IKZF3: variants seen among roughly 807,000 people sequenced by gnomAD.
IKZF3 encodes the protein zinc finger protein Aiolos.
In IKZF3, 10 loss-of-function variants were observed where a neutral mutation model predicts 49.0. The observed-to-expected ratio is 0.20, with a 90% CI of 0.13 to 0.35. The LOEUF is 0.35. Among genes scored for constraint, IKZF3 ranks in the 10% least tolerant of loss-of-function variants. IKZF3 has a pLI of 1.00. For missense variants in IKZF3, 498 were observed against 664.8 expected (o/e 0.75, Z 2.76); for synonymous variants, 209 against 228.2 (o/e 0.92, Z 0.76).
rs999537966 is a variant in IKZF3 at position 39,761,929 on chromosome 17, T to G, written c.*3861A>C. 1.3e-5 allele frequency: 2 copies of G among 152,394 alleles called. No individual in the cohort carries two copies. The highest frequency in any genetic ancestry group is 2.9e-5 in the Non-Finnish European group (2 of 68,200). 9.4% of individuals were successfully genotyped at this position (152,394 alleles called of 1,614,324 possible). On this transcript the variant is annotated 3_prime_UTR_variant, in exon 8 of 8. Coordinates refer to ENST00000346872, the MANE Select transcript of IKZF3 (RefSeq NM_012481.5). Reference sequence around the variant, plus strand: ...CATGTTGGTCAGGCAGGTCTCGAACTCCCAACCTCAGGTGATCTGCCTGCC... The same window carrying G: ...CATGTTGGTCAGGCAGGTCTCGAACGCCCAACCTCAGGTGATCTGCCTGCC...
At chr17:39,857,231 G>GT (rs1435725698) in intron 1 of IKZF3, among the ~76,000 whole-genome samples, 1 of 152,150 alleles carries the variant, frequency 6.6e-6, no homozygotes, top group African/African-American at 2.4e-5. Context: ...CAGTTATGAT[G>GT]TAATTCCATA....
Position 39,761,788 on chromosome 17 carries a change from T to C in IKZF3, c.*4002A>G. On this transcript the variant is annotated 3_prime_UTR_variant, in exon 8 of 8. Transcript: ENST00000346872. The stretch of plus-strand genomic sequence containing the variant: ...GGTGCCATCTCGGCTCACCGCAACC[T>C]CCGCCTCCCGGGTTCAAGCGATTCT... The C allele has an allele frequency of 6.6e-6, 1 of 152,402 alleles. No individual in the cohort carries two copies. The allele number at this position is 152,402 out of a possible 1,614,324, so 9.4% of individuals were successfully genotyped here.
At chr17:39,803,197 T>G (rs1186502695) in intron 3 of IKZF3, among the ~76,000 whole-genome samples, 1 of 152,186 alleles carries the variant, frequency 6.6e-6, no homozygotes, top group African/African-American at 2.4e-5. Context: ...CTGAAGGCCA[T>G]GATGTATGAA....
intron 1 of IKZF3, among the ~76,000 whole-genome samples, chr17:39,857,729 T>C (rs4795396): frequency 0.99 from 150,834 of 152,308 alleles, 74,694 homozygotes; most frequent in East Asian, 1. Context: ...AGTCAAATGA[T>C]CAAACACACA....
intron 3 of IKZF3, among the ~76,000 whole-genome samples, chr17:39,809,947 A>G (rs1028362382): frequency 4.6e-5 from 7 of 152,248 alleles, no homozygotes; most frequent in Non-Finnish European, 1.0e-4. Context: ...TTATGAAAAC[A>G]GCAAAGTCAA....
chr17:39,827,983 G>A (rs983921555), intron 3 of IKZF3, among the ~76,000 whole-genome samples: 1 of 152,182 alleles, frequency 6.6e-6, no homozygotes, highest in Non-Finnish European at 1.5e-5. Flanking sequence ...GGGGGAGGAT[G>A]CTGATATGAC....
At chr17:39,809,161 A>G (rs1232485390) in intron 3 of IKZF3, among the ~76,000 whole-genome samples, 1 of 152,224 alleles carries the variant, frequency 6.6e-6, no homozygotes, top group Non-Finnish European at 1.5e-5. Flanking sequence ...TGACATAATT[A>G]GCAAATCTAT....
chr17:39,773,283 G>T (rs932078402), intron 7 of IKZF3, among the ~76,000 whole-genome samples: 1 of 152,194 alleles, frequency 6.6e-6, no homozygotes, highest in Non-Finnish European at 1.5e-5. Context: ...CCACCTCTCT[G>T]ATCCTCCTTC....
intron 1 of IKZF3, chr17:39,835,214 G>A: frequency 1.9e-6 from 1 of 521,198 alleles, no homozygotes. Context: ...ACTTCAGCTG[G>A]CTCTCCTTGC....
intron 7 of IKZF3, among the ~76,000 whole-genome samples, chr17:39,774,526 G>A (rs1033624888): frequency 3.3e-5 from 5 of 152,092 alleles, no homozygotes; most frequent in African/African-American, 1.2e-4. Flanking sequence ...CACAAATAAT[G>A]TTCCTTTCTC....
At chr17:39,830,274 G>A (rs1239934186) in intron 2 of IKZF3, among the ~76,000 whole-genome samples, 1 of 152,152 alleles carries the variant, frequency 6.6e-6, no homozygotes, top group Admixed American at 6.6e-5. Context: ...ATGTGATTCT[G>A]TGGAAAACAT....
intron 6 of IKZF3, among the ~76,000 whole-genome samples, chr17:39,782,501 G>A (rs935082392): frequency 1.3e-5 from 2 of 152,082 alleles, no homozygotes; most frequent in Non-Finnish European, 2.9e-5. Flanking sequence ...GGTTTAGGCA[G>A]TGCACTGAAA....
chr17:39,776,291 T>C (rs746353539), intron 7 of IKZF3, among the ~76,000 whole-genome samples: 12 of 152,050 alleles, frequency 7.9e-5, no homozygotes, highest in Non-Finnish European at 1.6e-4. Context: ...TAAAATACAC[T>C]CAGAATAATA....
chr17:39,835,814 C>T (rs1323944990), intron 1 of IKZF3: 1 of 532,512 alleles, frequency 1.9e-6, no homozygotes, highest in East Asian at 4.5e-5. Flanking sequence ...CATCCACATC[C>T]TTCTTGATGA....
Position 39,765,687 on chromosome 17 carries a change from G to A in IKZF3, c.*103C>T. 1 of 844,114 alleles carries A rather than the reference G, an allele frequency of 1.2e-6. No individual in the cohort carries two copies. The highest frequency in any genetic ancestry group is 2.5e-5 in the East Asian group (1 of 40,258). The allele number at this position is 844,114 out of a possible 1,614,324, so 52.3% of individuals were successfully genotyped here. A position where few individuals can be genotyped will look rare whatever the true frequency, so the allele number is the denominator to read the frequency against. Reference sequence around the variant, plus strand: ...AACACAGCTAAAAATGGTATGAAAAGAAGTTTGGAACTGAGTATGTTTTGA... The same window carrying A: ...AACACAGCTAAAAATGGTATGAAAAAAAGTTTGGAACTGAGTATGTTTTGA... On this transcript the variant is annotated 3_prime_UTR_variant, in exon 8 of 8. Transcript: ENST00000346872.
chr17:39,836,502 G>C (rs2062287596), intron 1 of IKZF3, among the ~76,000 whole-genome samples: 2 of 152,208 alleles, frequency 1.3e-5, no homozygotes, highest in African/African-American at 4.8e-5. Context: ...GTATTCTGCA[G>C]TTCTCAAGTG....
At chr17:39,826,419 A>G (rs945362799) in intron 3 of IKZF3, among the ~76,000 whole-genome samples, 1 of 152,242 alleles carries the variant, frequency 6.6e-6, no homozygotes, top group African/African-American at 2.4e-5. Context: ...GGTAAAAACA[A>G]ATCAGCTTGG....
chr17:39,816,472 G>A (rs1225920938), intron 3 of IKZF3, among the ~76,000 whole-genome samples: 1 of 152,112 alleles, frequency 6.6e-6, no homozygotes, highest in Non-Finnish European at 1.5e-5. Flanking sequence ...AAGTTTTATT[G>A]GTACAAAGCC....
At chr17:39,858,911 C>CA (rs1399777385) in intron 1 of IKZF3, among the ~76,000 whole-genome samples, 4 of 151,320 alleles carry the variant, frequency 2.6e-5, no homozygotes, top group Non-Finnish European at 5.9e-5. Context: ...GCCATCCTCC[C>CA]ACCTCAGCCT....
Sources: gnomAD v4.1 joint callset for allele counts (sites outside exome capture counted in the v4.1 genomes callset) on GRCh38, gnomAD v4.1.1 for gene constraint, MANE v1.5 for transcripts, NCBI Gene and HGNC (gene_info 2026-07-23, HGNC 2026-07-21) for gene names.